HS6ST3: variants seen among roughly 807,000 people sequenced by gnomAD.
HS6ST3 encodes the protein heparan-sulfate 6-O-sulfotransferase 3.
A neutral mutation model predicts 36.7 loss-of-function variants in HS6ST3; 12 were observed. The observed-to-expected ratio is 0.33, with a 90% confidence interval of 0.21 to 0.53. The LOEUF is 0.53. HS6ST3 is among the 20% of genes least tolerant of loss of function. HS6ST3 has a pLI of 0.95. For synonymous variants in HS6ST3, 240 were observed against 257.5 expected, an observed-to-expected ratio of 0.93 and a Z score of 0.65; for missense variants, 584 against 640.9, an observed-to-expected ratio of 0.91 and a Z score of 0.96.
Position 96,112,258 on chromosome 13 carries a change from A to G in HS6ST3, c.707+20689A>G, listed in dbSNP as rs558984605. Reference sequence around the variant, plus strand: ...ACACAGCAAACTCTTTTAGATCTGTATTGCATAATTATGTAACAACCTGCA... The same window carrying G: ...ACACAGCAAACTCTTTTAGATCTGTGTTGCATAATTATGTAACAACCTGCA... On this transcript the variant is annotated intron_variant, in intron 1 of 1. Transcript: ENST00000376705. Among the ~76,000 whole-genome samples, 8 of 152,254 alleles carry G rather than the reference A, an allele frequency of 5.3e-5. No individual in the cohort carries two copies. The South Asian group carries it at 1.7e-3, about 32-fold the overall frequency.
At chr13:96,243,284 A>G (rs2054569876) in intron 1 of HS6ST3, among the ~76,000 whole-genome samples, 1 of 152,136 alleles carries the variant, frequency 6.6e-6, no homozygotes, top group Admixed American at 6.5e-5. Context: ...CTAAGATTTT[A>G]TTTTCATTTG....
At chr13:96,782,715 A>T (rs1877554634) in intron 1 of HS6ST3, among the ~76,000 whole-genome samples, 2 of 152,070 alleles carry the variant, frequency 1.3e-5, no homozygotes, top group South Asian at 4.1e-4. Context: ...GAAAAGTTTG[A>T]TTTTACATAG....
At chr13:96,648,560 G>T (rs1038814557) in intron 1 of HS6ST3, among the ~76,000 whole-genome samples, 1 of 150,772 alleles carries the variant, frequency 6.6e-6, no homozygotes, top group Non-Finnish European at 1.5e-5. Flanking sequence ...AGGTAAACGT[G>T]TGCCATGGTG....
chr13:96,531,006 C>A (rs1467751452), intron 1 of HS6ST3, among the ~76,000 whole-genome samples: 1 of 152,176 alleles, frequency 6.6e-6, no homozygotes, highest in Non-Finnish European at 1.5e-5. Context: ...TGATTTAGAT[C>A]ATTCTTTTTT....
At chr13:96,338,170 A>G (rs367680460) in intron 1 of HS6ST3, among the ~76,000 whole-genome samples, 34 of 151,886 alleles carry the variant, frequency 2.2e-4, no homozygotes, top group East Asian at 9.7e-4. Flanking sequence ...CTTTTCTCCA[A>G]TGTTTGGTGG....
intron 1 of HS6ST3, among the ~76,000 whole-genome samples, chr13:96,751,373 T>C (rs1014886544): frequency 1.7e-4 from 26 of 151,872 alleles, no homozygotes; most frequent in Admixed American, 1.7e-3. Flanking sequence ...GAGGCAGAGA[T>C]TGGAGTGATG....
chr13:96,173,081 A>C (rs1043936196), intron 1 of HS6ST3, among the ~76,000 whole-genome samples: 11 of 152,214 alleles, frequency 7.2e-5, no homozygotes, highest in Admixed American at 1.3e-4. Context: ...TGTTGGAGAC[A>C]GGCAACAAAC....
At chr13:96,355,358 T>TACACACACACACACAC (rs66509801) in intron 1 of HS6ST3, among the ~76,000 whole-genome samples, 1 of 140,482 alleles carries the variant, frequency 7.1e-6, no homozygotes. Context: ...AGTCTATAGT[T>TACACACACACACACAC]ACACACACAC....
At chr13:96,258,554 C>G (rs1202100768) in intron 1 of HS6ST3, among the ~76,000 whole-genome samples, 1 of 152,090 alleles carries the variant, frequency 6.6e-6, no homozygotes. Context: ...GCCCCTCATA[C>G]AGTCAGAGTA....
chr13:96,525,110 C>G (rs1032059049), intron 1 of HS6ST3, among the ~76,000 whole-genome samples: 1 of 151,902 alleles, frequency 6.6e-6, no homozygotes, highest in African/African-American at 2.4e-5. Flanking sequence ...TTAAAGTTCT[C>G]TTTGTTTTCT....
At chr13:96,270,676 C>T (rs1439393041) in intron 1 of HS6ST3, among the ~76,000 whole-genome samples, 1 of 151,768 alleles carries the variant, frequency 6.6e-6, no homozygotes, top group Non-Finnish European at 1.5e-5. Flanking sequence ...GGTCCCTGTC[C>T]TCAACAAAAT....
intron 1 of HS6ST3, among the ~76,000 whole-genome samples, chr13:96,194,998 T>C (rs1207058235): frequency 6.6e-6 from 1 of 152,216 alleles, no homozygotes. Context: ...ATGGAATTAA[T>C]GTGAATATTA....
At chr13:96,593,113 G>C (rs2056388520) in intron 1 of HS6ST3, among the ~76,000 whole-genome samples, 1 of 147,904 alleles carries the variant, frequency 6.8e-6, no homozygotes, top group Non-Finnish European at 1.5e-5. Context: ...TTGTAAGTAT[G>C]CTTCATTGTT....
At chr13:96,598,961 T>C (rs779879482) in intron 1 of HS6ST3, among the ~76,000 whole-genome samples, 9 of 151,916 alleles carry the variant, frequency 5.9e-5, no homozygotes, top group Non-Finnish European at 1.2e-4. Context: ...TGTTTATGTG[T>C]TCAGATTTAT....
At chr13:96,691,630 TTCCC>T (rs1874961814) in intron 1 of HS6ST3, among the ~76,000 whole-genome samples, 1 of 150,494 alleles carries the variant, frequency 6.6e-6, no homozygotes, top group Non-Finnish European at 1.5e-5. Flanking sequence ...TTTTCTTCCC[TTCCC>T]TTCCCTTCCC....
chr13:96,771,715 G>T (rs145404341), intron 1 of HS6ST3, among the ~76,000 whole-genome samples: 138 of 152,278 alleles, frequency 9.1e-4, no homozygotes, highest in Non-Finnish European at 1.5e-3. Context: ...CTCCTAGGCA[G>T]TTAGAGCAGA....
chr13:96,376,601 C>T (rs764444102), intron 1 of HS6ST3, among the ~76,000 whole-genome samples: 2 of 152,096 alleles, frequency 1.3e-5, no homozygotes, highest in African/African-American at 2.4e-5. Flanking sequence ...CTACCTTTAC[C>T]GTTATCTATG....
At chr13:96,360,358 G>A (rs1277473450) in intron 1 of HS6ST3, among the ~76,000 whole-genome samples, 1 of 152,006 alleles carries the variant, frequency 6.6e-6, no homozygotes, top group African/African-American at 2.4e-5. Context: ...CATTGTTGGG[G>A]TACAGAACAA....
chr13:96,624,998 A>G (rs1002297748), intron 1 of HS6ST3, among the ~76,000 whole-genome samples: 2 of 152,184 alleles, frequency 1.3e-5, no homozygotes, highest in Admixed American at 1.3e-4. Context: ...AGTGGAAGAA[A>G]GCAGCTTTAC....
Sources: allele counts gnomAD v4.1 joint callset (sites outside exome capture counted in the v4.1 genomes callset), GRCh38; gene constraint gnomAD v4.1.1; transcripts MANE v1.5; gene names NCBI Gene and HGNC (gene_info 2026-07-23, HGNC 2026-07-21).